The following PAK3 variants were observed in gnomAD, a reference collection of about 807,000 sequenced individuals.
PAK3 encodes serine/threonine-protein kinase PAK 3.
PAK3 carries 4 observed loss-of-function variants against 41.0 expected under a neutral mutation model. That is an observed-to-expected ratio of 0.10 (90% CI 0.05 to 0.22). The LOEUF is 0.22. Ranked by LOEUF, PAK3 falls within the 10% of genes least tolerant of loss-of-function variation. The pLI is 1.00. For missense variants in PAK3, 205 were observed against 409.9 expected (o/e 0.50, Z 4.32); for synonymous variants, 146 against 139.6 (o/e 1.05, Z -0.32).
chrX:110,956,719 G>A (rs2090867110), intron 1 of PAK3, among the ~76,000 whole-genome samples: 1 of 111,041 alleles, frequency 9.0e-6, no homozygotes, highest in African/African-American at 3.3e-5. Context: ...CCCTCCCCAC[G>A]CCTCCCCTGT....
chrX:111,065,976 C>T (rs1198795659), intron 1 of PAK3, among the ~76,000 whole-genome samples: 1 of 111,755 alleles, frequency 8.9e-6, no homozygotes. Context: ...AGTGTATTGA[C>T]GTTGTTTATT....
At chrX:111,183,798 T>C (rs370115227) in intron 11 of PAK3, among the ~76,000 whole-genome samples, 1 of 111,603 alleles carries the variant, frequency 9.0e-6, no homozygotes, top group African/African-American at 3.2e-5. Context: ...TAGATGCCAG[T>C]GTTTCCATTT....
At chrX:111,208,884 G>T (rs1196019257) in intron 16 of PAK3, among the ~76,000 whole-genome samples, 1 of 110,923 alleles carries the variant, frequency 9.0e-6, no homozygotes, top group Non-Finnish European at 1.9e-5. Context: ...ATAGATGTTG[G>T]TATCTAAAGG....
At chrX:110,972,324 G>A (rs973348962) in intron 1 of PAK3, among the ~76,000 whole-genome samples, 2 of 111,350 alleles carry the variant, frequency 1.8e-5, no homozygotes, top group African/African-American at 6.5e-5. Flanking sequence ...CTCCCAGTAG[G>A]GAGTTGGCTG....
At chrX:110,981,353 T>C (rs778779546) in intron 1 of PAK3, among the ~76,000 whole-genome samples, 3 of 112,162 alleles carry the variant, frequency 2.7e-5, no homozygotes, top group Admixed American at 9.5e-5. Flanking sequence ...AAGGTTGACA[T>C]TGGGATAATT....
At chrX:111,025,314 T>A (rs779466190) in intron 1 of PAK3, among the ~76,000 whole-genome samples, 2 of 109,874 alleles carry the variant, frequency 1.8e-5, no homozygotes, top group African/African-American at 6.6e-5. Flanking sequence ...CTAAATGAAA[T>A]TGAAACAAAA....
chrX:110,990,369 G>A (rs1277577284), intron 1 of PAK3, among the ~76,000 whole-genome samples: 1 of 112,065 alleles, frequency 8.9e-6, no homozygotes, highest in Non-Finnish European at 1.9e-5. Context: ...CCTACTATGT[G>A]ACAGTGAACA....
At chrX:111,030,015 A>C (rs2092322092) in intron 1 of PAK3, among the ~76,000 whole-genome samples, 1 of 112,173 alleles carries the variant, frequency 8.9e-6, no homozygotes, top group East Asian at 2.8e-4. Context: ...AATTAATTTT[A>C]TGCAGTCATG....
chrX:111,027,948 A>G (rs2092292867), intron 1 of PAK3, among the ~76,000 whole-genome samples: 1 of 106,273 alleles, frequency 9.4e-6, no homozygotes, highest in South Asian at 4.1e-4. Context: ...GTGGATAAAG[A>G]AAATGTGATA....
At chrX:111,025,271 A>G (rs1319760858) in intron 1 of PAK3, among the ~76,000 whole-genome samples, 2 of 111,214 alleles carry the variant, frequency 1.8e-5, no homozygotes, top group Non-Finnish European at 3.8e-5. Flanking sequence ...TAAACCCAGC[A>G]GAAGCAAAGA....
intron 4 of PAK3, among the ~76,000 whole-genome samples, chrX:111,109,490 G>A (rs901401487): frequency 2.2e-4 from 25 of 111,893 alleles, no homozygotes; most frequent in African/African-American, 7.2e-4. Flanking sequence ...TTAGTCCATG[G>A]AGTTTCCTCA....
At chrX:111,040,038 A>AG (rs2092439106) in intron 1 of PAK3, among the ~76,000 whole-genome samples, 7 of 109,290 alleles carry the variant, frequency 6.4e-5, no homozygotes, top group South Asian at 4.0e-4. Context: ...AAAGAAAGAA[A>AG]AAAAAATGTC....
intron 1 of PAK3, among the ~76,000 whole-genome samples, chrX:111,012,847 A>G (rs926823514): frequency 1.8e-5 from 2 of 111,939 alleles, no homozygotes; most frequent in Non-Finnish European, 3.8e-5. Flanking sequence ...TGGTGGTACA[A>G]TAATGGCTCA....
intron 1 of PAK3, chrX:111,096,761 C>G (rs1352441454): frequency 1.2e-5 from 1 of 85,833 alleles, no homozygotes; most frequent in Admixed American, 1.3e-4. Context: ...TTCACCCCCC[C>G]GCCCGCCCCC....
rs1433084601 is a variant in PAK3 at position 111,226,239 on chromosome X, C to A, written c.*5792C>A. 1 of 111,400 alleles carries A rather than the reference C, an allele frequency of 9.0e-6. No homozygotes were observed. The allele number at this position is 111,400 out of a possible 1,213,427, so 9.2% of individuals were successfully genotyped here. On this transcript the variant is annotated 3_prime_UTR_variant, in exon 18 of 18. Transcript: ENST00000372007. ...TAGGGGATGTTGATAAAACTTGTGGCAGCCTTCCAATTCATTTACAGTTGT... is the reference window on the plus strand; with the variant it reads ...TAGGGGATGTTGATAAAACTTGTGGAAGCCTTCCAATTCATTTACAGTTGT...
intron 1 of PAK3, among the ~76,000 whole-genome samples, chrX:111,077,896 A>AT (rs2092800743): frequency 8.9e-6 from 1 of 111,875 alleles, no homozygotes. Flanking sequence ...AATATTTGAA[A>AT]ACCATGCATC....
intron 17 of PAK3, among the ~76,000 whole-genome samples, chrX:111,219,121 C>A (rs188185263): frequency 9.4e-6 from 1 of 106,322 alleles, no homozygotes; most frequent in African/African-American, 3.4e-5. Context: ...ACCTGGGAGG[C>A]GGAAGTTGCA....
chrX:110,965,558 A>C, intron 1 of PAK3, among the ~76,000 whole-genome samples: 1 of 112,296 alleles, frequency 8.9e-6, no homozygotes, highest in East Asian at 2.8e-4. Context: ...CACTGTGGTT[A>C]AGAAGACCAG....
chrX:110,975,620 A>T lies in PAK3; in HGVS notation c.-28+30992A>T, dbSNP rs192631521. On this transcript the variant is annotated intron_variant, in intron 1 of 14. Transcript: ENST00000425146. ...ATTGGAAAAAACTACTTTAAAGTTC[A>T]TATGGAACCAAAAGAGAGCGTATGT... Among the ~76,000 whole-genome samples the T allele has an allele frequency of 2.7e-5, 3 of 112,103 alleles. No individual in the cohort carries two copies. The Admixed American group carries it at 2.8e-4, about 11-fold the overall frequency.
Sources: allele counts gnomAD v4.1 joint callset (sites outside exome capture counted in the v4.1 genomes callset), GRCh38; gene constraint gnomAD v4.1.1; transcripts MANE v1.5; gene names NCBI Gene and HGNC (gene_info 2026-07-23, HGNC 2026-07-21).